The following SLC28A1 variants were observed in gnomAD, a reference collection of about 807,000 sequenced individuals.
The protein encoded by SLC28A1 is solute carrier family 28 member 1, also known as sodium/nucleoside cotransporter 1.
SLC28A1 carries 64 observed loss-of-function variants against 74.8 expected under a neutral mutation model. That is an observed-to-expected ratio of 0.86 (90% confidence interval 0.70 to 1.05). The LOEUF is 1.05. SLC28A1 is among the 50% of genes least tolerant of loss of function. The probability of loss-of-function intolerance (pLI) is 0.00; values close to 1 mark genes in which losing one functional copy is unlikely to be tolerated. For missense variants in SLC28A1, 828 were observed against 822.8 expected, an observed-to-expected ratio of 1.01 and a Z score of -0.08; for synonymous variants, 359 against 335.0, an observed-to-expected ratio of 1.07 and a Z score of -0.78.
chr15:84,935,016 C>A lies in SLC28A1; in HGVS notation c.1215-10C>A. On this transcript the variant is annotated splice_polypyrimidine_tract_variant and intron_variant, in intron 13 of 18. Transcript: ENST00000394573. ...AGGCCAGTAATGATCATTCTTGATC[C>A]CAACAACAGAGATGCTCAGAACCTC... The A allele has an allele frequency of 6.2e-7, 1 of 1,613,308 alleles. No homozygotes were observed.
the SLC28A1 span, among the ~76,000 whole-genome samples, chr15:84,951,412 C>T: frequency 2.8e-5 from 4 of 144,454 alleles, no homozygotes; most frequent in African/African-American, 7.8e-5. Flanking sequence ...GGTGACAGAG[C>T]GAGACCCTGT....
At chr15:84,914,869 C>T (rs1968863687) in intron 9 of SLC28A1, among the ~76,000 whole-genome samples, 2 of 152,160 alleles carry the variant, frequency 1.3e-5, no homozygotes, top group South Asian at 4.2e-4. Context: ...TCTTTCATTC[C>T]CCTCCCCTCC....
the SLC28A1 span, chr15:84,961,488 C>T: frequency 2.2e-6 from 1 of 453,696 alleles, no homozygotes; most frequent in Admixed American, 2.4e-5. Context: ...TGTGCCGTCA[C>T]ACCTGGCTAA....
chr15:84,914,837 A>G (rs1968858088), intron 9 of SLC28A1, among the ~76,000 whole-genome samples: 1 of 152,114 alleles, frequency 6.6e-6, no homozygotes, highest in South Asian at 2.1e-4. Context: ...CCTACCTTAG[A>G]AAATTGGGGC....
intron 6 of SLC28A1, 146 bp downstream of exon 6, chr15:84,895,269 T>C: frequency 6.3e-7 from 1 of 1,581,358 alleles, no homozygotes; most frequent in Non-Finnish European, 8.7e-7. Context: ...AGCCAGTGGG[T>C]GGCTTCAAAC....
At chr15:84,905,794 C>A (rs1967012120) in intron 8 of SLC28A1, 142 bp downstream of exon 8, 2 of 709,356 alleles carry the variant, frequency 2.8e-6, no homozygotes, top group Non-Finnish European at 2.6e-6. Context: ...GGGCCCCAGA[C>A]CAGGTGGGCA....
rs1354069085 is a variant in SLC28A1 at position 84,895,087 on chromosome 15, C to T, written c.425C>T (p.Pro142Leu). The T allele has an allele frequency of 1.2e-6, 2 of 1,612,284 alleles. No individual in the cohort carries two copies. Among genetic ancestry groups the T allele is most frequent in the South Asian group, 1.1e-5 (1 of 91,048 alleles). The change falls in exon 6 of 19, where the codon CCT becomes CTT. Residue 142 changes from proline (P) to leucine (L), a missense_variant. Pro to Leu is a moderately conservative substitution (Grantham distance 98). Around this residue, in one of 3 missense-constraint regions of SLC28A1, gnomAD observed 767 missense variants for 753.5 expected, o/e 1.02. Coordinates refer to ENST00000394573, the MANE Select transcript of SLC28A1 (RefSeq NM_004213.5). ...CCAAAGCTGAGGAGGTTTCTCAAGC[C>T]TCAGGGCCATCCCCGCCTGCTGCTC... ...LGPKLRRFLK[P>L]QGHPRLLLWF... is the part of the protein sequence containing the mutation.
chr15:84,911,970 T>C (rs372580876), intron 9 of SLC28A1, among the ~76,000 whole-genome samples: 2 of 152,126 alleles, frequency 1.3e-5, no homozygotes, highest in African/African-American at 4.8e-5. Context: ...TGAGGTGGGT[T>C]TATCATTAAC....
chr15:84,902,786 G>A (rs1258745199), intron 6 of SLC28A1, among the ~76,000 whole-genome samples: 5 of 149,576 alleles, frequency 3.3e-5, no homozygotes, highest in East Asian at 2.0e-4. Context: ...CTGGAGTGCC[G>A]TAGTGCGATC....
At chr15:84,926,438 A>G in intron 12 of SLC28A1, 5 of 406,100 alleles carry the variant, frequency 1.2e-5, no homozygotes. Flanking sequence ...CCTGGGCTCA[A>G]GCAATCCTCC....
the SLC28A1 span, among the ~76,000 whole-genome samples, chr15:84,956,643 C>G: frequency 2.7e-5 from 4 of 150,146 alleles, no homozygotes; most frequent in Non-Finnish European, 5.9e-5. Context: ...CAGGCGCACA[C>G]CACCACACCT....
Position 84,945,410 on chromosome 15 carries a change from C to T in SLC28A1, c.*210C>T. The T allele has an allele frequency of 1.7e-6, 1 of 598,088 alleles. No individual in the cohort carries two copies. Among genetic ancestry groups the T allele is most frequent in the Non-Finnish European group, 3.1e-6 (1 of 327,288 alleles). 37.0% of individuals were successfully genotyped at this position (598,088 alleles called of 1,614,324 possible). A position where few individuals can be genotyped will look rare whatever the true frequency, so the allele number is the denominator to read the frequency against. ...GACATGTCCCACTCCATCCCCCTTC[C>T]TGCTCCCCCATTTCCTAACTCCCCC... On this transcript the variant is annotated 3_prime_UTR_variant, in exon 19 of 19. Coordinates refer to ENST00000394573, the MANE Select transcript of SLC28A1 (RefSeq NM_004213.5).
intron 12 of SLC28A1, 100 bp downstream of exon 12, chr15:84,924,210 C>G: frequency 7.4e-7 from 1 of 1,358,638 alleles, no homozygotes; most frequent in Non-Finnish European, 1.0e-6. Flanking sequence ...CTCAGATCTT[C>G]TCTCTTGGGC....
At chr15:84,888,266 G>T (rs906283085) in intron 3 of SLC28A1, among the ~76,000 whole-genome samples, 5 of 152,096 alleles carry the variant, frequency 3.3e-5, no homozygotes, top group Admixed American at 1.3e-4. Context: ...GTCAGGTCGA[G>T]GCACACCACC....
chr15:84,893,075 C>A (rs958834513), intron 5 of SLC28A1, among the ~76,000 whole-genome samples: 4 of 152,050 alleles, frequency 2.6e-5, no homozygotes, highest in Non-Finnish European at 5.9e-5. Context: ...CCAGACCCCC[C>A]CAGCCTTCCT....
intron 8 of SLC28A1, 96 bp from the exon 9 acceptor site, chr15:84,908,605 GCCTGGGGGGACTACGTC>G (rs1967640441): frequency 1.2e-6 from 1 of 842,912 alleles, no homozygotes; most frequent in Non-Finnish European, 2.0e-6. Context: ...CCGGATAAGG[GCCTGGGGGGACTACGTC>G]CCTGGGCCAA....
At chr15:84,936,046 C>T (rs536828798) in intron 15 of SLC28A1, among the ~76,000 whole-genome samples, 1 of 149,402 alleles carries the variant, frequency 6.7e-6, no homozygotes, top group Admixed American at 6.7e-5. Context: ...GCTCCGCCTC[C>T]CGGGTTCACG....
At chr15:84,912,836 ACACACACACAC>A (rs778125909) in intron 9 of SLC28A1, among the ~76,000 whole-genome samples, 10,240 of 151,328 alleles carry the variant, frequency 0.068, 542 homozygotes, top group Middle Eastern at 0.15. Flanking sequence ...ACACACACAC[ACACACACACAC>A]AGATCAAATA....
chr15:84,902,492 A>AG (rs1966783210), intron 6 of SLC28A1, among the ~76,000 whole-genome samples: 1 of 151,688 alleles, frequency 6.6e-6, no homozygotes, highest in Non-Finnish European at 1.5e-5. Flanking sequence ...AAAAAAAAAA[A>AG]TGCAGACTAA....
Sources: gnomAD v4.1 joint callset for allele counts (sites outside exome capture counted in the v4.1 genomes callset) on GRCh38, gnomAD v4.1.1 for gene constraint, gnomAD v4.1.1 regional missense constraint, MANE v1.5 for transcripts, NCBI Gene and HGNC (gene_info 2026-07-23, HGNC 2026-07-21) for gene names.